The following DACT1 variants were observed in gnomAD, a reference collection of about 807,000 sequenced individuals.
DACT1 encodes dishevelled binding antagonist of beta catenin 1.
A neutral mutation model predicts 35.3 loss-of-function variants in DACT1; 19 were observed. The ratio of observed to expected loss-of-function variants is 0.54; its 90% CI spans 0.38 to 0.79. The LOEUF (loss-of-function observed/expected upper bound fraction) is 0.79. DACT1 is among the 30% of genes least tolerant of loss of function. The pLI is 0.00. For synonymous variants in DACT1, 545 were observed against 466.7 expected, an observed-to-expected ratio of 1.17 and a Z score of -2.16; for missense variants, 1,143 against 1,057.5, an observed-to-expected ratio of 1.08 and a Z score of -1.12.
chr14:58,643,312 T>C (rs974832217), intron 3 of DACT1, among the ~76,000 whole-genome samples: 4 of 152,202 alleles, frequency 2.6e-5, no homozygotes, highest in African/African-American at 9.7e-5. Context: ...TGAATTCTTA[T>C]AAGAGTAGAG....
In DACT1 at chr14:58,646,121, A is replaced by G. The variant is rs1438302528; in HGVS notation, c.1387A>G (p.Asn463Asp). 5 of 1,612,846 alleles carry G rather than the reference A, an allele frequency of 3.1e-6. No individual in the cohort carries two copies. The East Asian group carries it at 8.9e-5, about 29-fold the overall frequency. Residue 463 changes from asparagine (N) to aspartate (D), a missense_variant, in exon 4 of 4, where the codon AAC becomes GAC. By Grantham distance (23) the Asn-to-Asp change is conservative. Around this residue, in one of 3 missense-constraint regions of DACT1, gnomAD observed 1,054 missense variants for 958.8 expected, o/e 1.10. Transcript: ENST00000395153. ...PSRGPAPPQE[N>D]KVVQPLKKMS... ...CAGAGGCCCTGCCCCGCCGCAGGAG[A>G]ACAAAGTTGTACAGCCCCTGAAAAA...
At chr14:58,634,858 T>C (rs1360237070), upstream of DACT1, among the ~76,000 whole-genome samples, 1 of 152,202 alleles carries the variant, frequency 6.6e-6, no homozygotes, top group African/African-American at 2.4e-5. Context: ...GACTGTGTGA[T>C]ATGAGGGACA....
At chr14:58,641,316 CCT>C (rs2140214157) in intron 2 of DACT1, among the ~76,000 whole-genome samples, 1 of 150,792 alleles carries the variant, frequency 6.6e-6, no homozygotes, top group East Asian at 1.9e-4. Context: ...AAGTTTCTTT[CCT>C]TGGACATGTT....
chr14:58,645,873 A>G lies in DACT1; in HGVS notation c.1139A>G (p.Lys380Arg). ...SLNNGTFSPP[K>R]QWSKESKAEQ... ...AACAATGGGACATTCTCCCCACCGA[A>G]GCAGTGGTCGAAAGAATCAAAGGCC... The change falls in exon 4 of 4, where the codon AAG becomes AGG. Residue 380 changes from lysine (K) to arginine (R), a missense_variant. Coordinates refer to ENST00000395153, the MANE Select transcript of DACT1 (RefSeq NM_001079520.2). 6.2e-7 allele frequency: 1 copy of G among 1,614,248 alleles called. No homozygotes were observed. Among genetic ancestry groups the G allele is most frequent in the Non-Finnish European group, 8.5e-7 (1 of 1,180,044 alleles).
rs981444479 is a variant in DACT1, at chr14:58,638,277, G to A, written c.75G>A (p.Ala25=). The A allele has an allele frequency of 4.4e-6, 6 of 1,355,230 alleles. No individual in the cohort carries two copies. The highest frequency in any genetic ancestry group is 1.8e-5 in the South Asian group (1 of 56,380). 84.0% of individuals were successfully genotyped at this position (1,355,230 alleles called of 1,614,324 possible). Residue 25 remains alanine, a synonymous_variant, in exon 1 of 4, where the codon GCG becomes GCA. Coordinates refer to ENST00000395153, the MANE Select transcript of DACT1 (RefSeq NM_001079520.2). ...CGGCCCGAGGCGAGCAGCGCACGGC[G>A]GAGCCCGAGGGGCGCTGGCGGGAGA... The part of the protein sequence containing the change: ...PAPARGEQRT[A]EPEGRWREKG...
Position 58,645,870 on chromosome 14 carries a change from C to CGAA in DACT1, c.1138_1140dup (p.Lys380dup). 6.2e-7 allele frequency: 1 copy of CGAA among 1,614,240 alleles called. No individual in the cohort carries two copies. Among genetic ancestry groups the CGAA allele is most frequent in the Non-Finnish European group, 8.5e-7 (1 of 1,180,052 alleles). On this transcript the variant is annotated inframe_insertion, in exon 4 of 4. Coordinates refer to ENST00000395153, the MANE Select transcript of DACT1 (RefSeq NM_001079520.2). ...CTGAACAATGGGACATTCTCCCCAC[C>CGAA]GAAGCAGTGGTCGAAAGAATCAAAG...
rs528728898 is a variant in DACT1 at position 58,641,877 on chromosome 14, T to A, written c.634+130T>A. The A allele has an allele frequency of 8.0e-5, 65 of 813,744 alleles. No individual in the cohort carries two copies. In the Admixed American group the frequency reaches 9.1e-4, roughly 11 times the overall value. 50.4% of individuals were successfully genotyped at this position (813,744 alleles called of 1,614,324 possible). On this transcript the variant is annotated intron_variant, in intron 3 of 3. Transcript: ENST00000395153. ...CATCACTTTGCGGCATTTAGTGCCA[T>A]ACTTACATCTAGAACTCAGTTTCAT...
Position 58,646,462 on chromosome 14 carries a change from C to A in DACT1, c.1728C>A (p.Arg576=). 1 of 1,577,974 alleles carries A rather than the reference C, an allele frequency of 6.3e-7. No homozygotes were observed. The highest frequency in any genetic ancestry group is 8.6e-7 in the Non-Finnish European group (1 of 1,165,550). Reference sequence around the variant, plus strand: ...CGCGGGCCGGGAGCAAGAAGTGTCGCTTCCCAGATGACTTGGATACAAATA... The same window carrying A: ...CGCGGGCCGGGAGCAAGAAGTGTCGATTCCCAGATGACTTGGATACAAATA... The part of the protein sequence containing the change: ...EKTRAGSKKC[R]FPDDLDTNKK... Residue 576 remains arginine (R), a synonymous_variant, in exon 4 of 4, where the codon CGC becomes CGA. Transcript: ENST00000395153.
intron 3 of DACT1, among the ~76,000 whole-genome samples, chr14:58,642,118 C>T (rs1174677407): frequency 6.6e-6 from 1 of 152,186 alleles, no homozygotes; most frequent in Non-Finnish European, 1.5e-5. Context: ...CAGCCAGGTG[C>T]AGTGGCTCAC....
chr14:58,638,588 A>G (rs1276447969), intron 1 of DACT1, 41 bp downstream of exon 1: 22 of 1,306,600 alleles, frequency 1.7e-5, no homozygotes, highest in Non-Finnish European at 2.2e-5. Context: ...GTTCCTGCCC[A>G]GGGGCTGGAG....
Position 58,638,217 on chromosome 14 carries a change from G to A in DACT1, c.15G>A (p.Pro5=). 1 of 1,345,508 alleles carries A rather than the reference G, an allele frequency of 7.4e-7. No individual in the cohort carries two copies. Among genetic ancestry groups the A allele is most frequent in the Non-Finnish European group, 9.5e-7 (1 of 1,049,374 alleles). The allele number at this position is 1,345,508 out of a possible 1,614,324, so 83.3% of individuals were successfully genotyped here. A position where few individuals can be genotyped will look rare whatever the true frequency, so the allele number is the denominator to read the frequency against. Residue 5 remains proline (P), a synonymous_variant, in exon 1 of 4, where the codon CCG becomes CCA. Coordinates refer to ENST00000395153, the MANE Select transcript of DACT1 (RefSeq NM_001079520.2). ...GACTGGGGGCCATGAAGCCGAGTCC[G>A]GCCGGGACGGCGAAGGAGCTGGAGC... The part of the protein sequence containing the change: MKPS[P]AGTAKELEPP...
chr14:58,646,668 C>T lies in DACT1; in HGVS notation c.1934C>T (p.Ser645Leu), dbSNP rs1198900887. 3 of 1,612,386 alleles carry T rather than the reference C, an allele frequency of 1.9e-6. No individual in the cohort carries two copies. Among genetic ancestry groups the T allele is most frequent in the South Asian group, 1.1e-5 (1 of 91,064 alleles). The change falls in exon 4 of 4, where the codon TCG becomes TTG. Residue 645 changes from serine to leucine, a missense_variant. By Grantham distance (145) the Ser-to-Leu change is moderately radical (BLOSUM62 -2). Transcript: ENST00000395153. ...KRTDYRRWKS[S>L]AEISYEEALR... ...ACTGACTACCGGCGGTGGAAGTCCT[C>T]GGCCGAGATTTCCTACGAAGAGGCC...
chr14:58,639,425 G>A (rs2047606906), intron 1 of DACT1, among the ~76,000 whole-genome samples: 1 of 152,216 alleles, frequency 6.6e-6, no homozygotes, highest in Admixed American at 6.5e-5. Flanking sequence ...ACCTTAAAAT[G>A]TAGTTTTGGA....
rs762172478 is a variant in DACT1, at chr14:58,647,016, C to A, written c.2282C>A (p.Ala761Asp). The change falls in exon 4 of 4, where the codon GCC becomes GAC. Residue 761 changes from alanine (A) to aspartate (D), a missense_variant. Around this residue, in one of 3 missense-constraint regions of DACT1, gnomAD observed 1,054 missense variants for 958.8 expected, o/e 1.10. Transcript: ENST00000395153. ...ACTCTGCCCATTCAAACGGTAACGG[C>A]CCCAGACCTTCACAACCACCCCGCA... ...VQTLPIQTVT[A>D]PDLHNHPAKT... 1.2e-6 allele frequency: 2 copies of A among 1,614,134 alleles called. No homozygotes were observed. Among genetic ancestry groups the A allele is most frequent in the South Asian group, 2.2e-5 (2 of 91,078 alleles).
chr14:58,635,604 C>G (rs2047567859), upstream of DACT1, among the ~76,000 whole-genome samples: 1 of 131,554 alleles, frequency 7.6e-6, no homozygotes, highest in Non-Finnish European at 1.5e-5. Flanking sequence ...GCTGAGAACA[C>G]TTTTTCATGG....
upstream of DACT1, among the ~76,000 whole-genome samples, chr14:58,635,169 G>A (rs2047565826): frequency 1.3e-5 from 2 of 152,152 alleles, no homozygotes; most frequent in African/African-American, 4.8e-5. Context: ...GAAAGGGAAA[G>A]AAAAATCAAA....
chr14:58,640,644 C>A, intron 1 of DACT1, 92 bp from the exon 2 acceptor site: 1 of 1,532,732 alleles, frequency 6.5e-7, no homozygotes, highest in Non-Finnish European at 8.9e-7. Flanking sequence ...TTAGTGAACT[C>A]TTCAGATGGG....
Position 58,646,916 on chromosome 14 carries a change from G to A in DACT1, c.2182G>A (p.Glu728Lys), listed in dbSNP as rs1223684768. ...GDSESSVSEG[E>K]FVGESTTTSD... ...CAGCGAGTCGAGTGTGAGCGAGGGC[G>A]AGTTCGTGGGGGAGAGCACAACCAC... The change falls in exon 4 of 4, where the codon GAG becomes AAG. Residue 728 changes from glutamate (E) to lysine (K), a missense_variant. Glu to Lys is a moderately conservative substitution (Grantham distance 56). This residue lies in a region of DACT1 where 1,054 missense variants were observed against 958.8 expected (regional missense o/e 1.10). Coordinates refer to ENST00000395153, the MANE Select transcript of DACT1 (RefSeq NM_001079520.2). The A allele has an allele frequency of 6.2e-7, 1 of 1,614,164 alleles. No homozygotes were observed. Among genetic ancestry groups the A allele is most frequent in the South Asian group, 1.1e-5 (1 of 91,078 alleles).
Position 58,638,232 on chromosome 14 carries a change from G to A in DACT1, c.30G>A (p.Lys10=). The A allele has an allele frequency of 7.4e-6, 10 of 1,354,528 alleles. No homozygotes were observed. The highest frequency in any genetic ancestry group is 3.4e-5 in the Admixed American group (1 of 29,194). The allele number at this position is 1,354,528 out of a possible 1,614,324, so 83.9% of individuals were successfully genotyped here. A position where few individuals can be genotyped will look rare whatever the true frequency, so the allele number is the denominator to read the frequency against. The change falls in exon 1 of 4, where the codon AAG becomes AAA. Residue 10 remains lysine (K), a synonymous_variant. Transcript: ENST00000395153. The part of the protein sequence containing the change: MKPSPAGTA[K]ELEPPAPARG... ...AGCCGAGTCCGGCCGGGACGGCGAA[G>A]GAGCTGGAGCCTCCGGCGCCGGCCC...
Sources: allele counts gnomAD v4.1 joint callset (sites outside exome capture counted in the v4.1 genomes callset), GRCh38; gene constraint gnomAD v4.1.1; regional missense constraint gnomAD v4.1.1; transcripts MANE v1.5; gene names NCBI Gene and HGNC (gene_info 2026-07-23, HGNC 2026-07-21).